The following RASSF6 variants were observed in gnomAD, a reference collection of about 807,000 sequenced individuals.
RASSF6 encodes ras association domain-containing protein 6.
A neutral mutation model predicts 44.0 loss-of-function variants in RASSF6; 52 were observed. The observed-to-expected ratio is 1.18, with a 90% CI of 0.95 to 1.49. The LOEUF (loss-of-function observed/expected upper bound fraction) is 1.49. Ranked by LOEUF, RASSF6 falls within the 40% of genes most tolerant of loss-of-function variation. RASSF6 has a pLI of 0.00. For missense variants in RASSF6, 464 were observed against 393.3 expected, an observed-to-expected ratio of 1.18 and a Z score of -1.52; for synonymous variants, 162 against 124.6, an observed-to-expected ratio of 1.30 and a Z score of -2.00.
At chr4:73,579,775 T>G (rs529418704) in intron 8 of RASSF6, among the ~76,000 whole-genome samples, 8 of 152,208 alleles carry the variant, frequency 5.3e-5, no homozygotes, top group African/African-American at 1.7e-4. Flanking sequence ...ATTTATTTTA[T>G]ATCTTTTGGT....
Position 73,588,022 on chromosome 4 carries a change from A to G in RASSF6, c.288-88T>C, listed in dbSNP as rs1452526171. Reference sequence around the variant, plus strand: ...CCAGATTTACAATATTAATATAGTAATACTGTGGGCCTCTGTAGGTGGATA... The same window carrying G: ...CCAGATTTACAATATTAATATAGTAGTACTGTGGGCCTCTGTAGGTGGATA... On this transcript the variant is annotated intron_variant, in intron 4 of 10. Transcript: ENST00000307439. 1.6e-5 allele frequency: 13 copies of G among 804,300 alleles called. No individual in the cohort carries two copies. In the Admixed American group the frequency reaches 2.1e-4, roughly 13 times the overall value. 49.8% of individuals were successfully genotyped at this position (804,300 alleles called of 1,614,324 possible).
rs953278587 is a variant in RASSF6, at chr4:73,582,205, A to G, written c.653T>C (p.Leu218Pro). The change falls in exon 7 of 11, where the codon CTT becomes CCT. Residue 218 changes from leucine to proline, a missense_variant. Physicochemically the swap from Leu to Pro is moderately conservative, Grantham distance 98. Transcript: ENST00000307439. ...AAAGGTTACCTTAAATTTTTGGAGA[A>G]GTTGCTTTATTACTTCTTCAGTTCT... ...NMRTEEVIKQ[L>P]LQKFKIENSP... The G allele has an allele frequency of 6.4e-7, 1 of 1,557,676 alleles. No individual in the cohort carries two copies. The highest frequency in any genetic ancestry group is 8.8e-7 in the Non-Finnish European group (1 of 1,137,892).
intron 2 of RASSF6, 84 bp from the exon 3 acceptor site, chr4:73,598,802 G>T: frequency 1.7e-6 from 1 of 589,292 alleles, no homozygotes; most frequent in South Asian, 2.4e-5. Context: ...AAAGGTATGA[G>T]ATAGAAAGAA....
intron 1 of RASSF6, among the ~76,000 whole-genome samples, chr4:73,618,137 T>C (rs1264182450): frequency 6.6e-6 from 1 of 152,146 alleles, no homozygotes; most frequent in Non-Finnish European, 1.5e-5. Flanking sequence ...AGTTAATTTT[T>C]TCGTAATCAT....
At chr4:73,595,709 A>G (rs955601355) in intron 3 of RASSF6, among the ~76,000 whole-genome samples, 2 of 136,766 alleles carry the variant, frequency 1.5e-5, no homozygotes, top group Non-Finnish European at 1.6e-5. Context: ...TTATAATTGT[A>G]TATATTAAGA....
At position 73,611,849 on chromosome 4, in the gene RASSF6, T is replaced by A; in HGVS notation, c.-34-20A>T. On this transcript the variant is annotated intron_variant, in intron 1 of 10. Transcript: ENST00000307439. Reference sequence around the variant, plus strand: ...GATATCCTAAACATGAGAATAATATTAATGATTTGTTCCTATAATGCATTA... The same window carrying A: ...GATATCCTAAACATGAGAATAATATAAATGATTTGTTCCTATAATGCATTA... The A allele has an allele frequency of 6.8e-7, 1 of 1,474,590 alleles. No individual in the cohort carries two copies. The highest frequency in any genetic ancestry group is 9.5e-7 in the Non-Finnish European group (1 of 1,055,562). The allele number at this position is 1,474,590 out of a possible 1,614,324, so 91.3% of individuals were successfully genotyped here. A position where few individuals can be genotyped will look rare whatever the true frequency, so the allele number is the denominator to read the frequency against.
intron 3 of RASSF6, among the ~76,000 whole-genome samples, chr4:73,594,071 C>T (rs574242823): frequency 2.6e-5 from 4 of 152,222 alleles, no homozygotes; most frequent in East Asian, 1.9e-4. Flanking sequence ...TGTGAAAACA[C>T]GCTGTAAAAA....
intron 2 of RASSF6, among the ~76,000 whole-genome samples, chr4:73,602,674 C>T (rs1010672458): frequency 6.6e-6 from 1 of 152,192 alleles, no homozygotes; most frequent in South Asian, 2.1e-4. Flanking sequence ...CATGATCAGA[C>T]GGCTTAGCAT....
intron 8 of RASSF6, among the ~76,000 whole-genome samples, chr4:73,579,103 T>C (rs1170618709): frequency 4.6e-5 from 7 of 152,206 alleles, no homozygotes; most frequent in African/African-American, 1.7e-4. Context: ...CTTGCATTTC[T>C]CACTTAAAAT....
chr4:73,614,976 A>C (rs1323382209), intron 1 of RASSF6, among the ~76,000 whole-genome samples: 1 of 152,210 alleles, frequency 6.6e-6, no homozygotes, highest in East Asian at 1.9e-4. Flanking sequence ...AGGTAAGAAC[A>C]TGCTTTGGTA....
chr4:73,596,938 G>A (rs935522821), intron 3 of RASSF6, among the ~76,000 whole-genome samples: 1 of 152,128 alleles, frequency 6.6e-6, no homozygotes, highest in Admixed American at 6.5e-5. Context: ...AACTGAAACT[G>A]GATCCCTTCT....
intron 8 of RASSF6, 141 bp from the exon 9 acceptor site, chr4:73,576,872 G>A (rs569566665): frequency 9.7e-6 from 6 of 618,088 alleles, no homozygotes; most frequent in Non-Finnish European, 1.7e-5. Context: ...ACTCAAAAAA[G>A]CAAATTGAAA....
At chr4:73,612,480 T>TTTTC (rs755419130) in intron 1 of RASSF6, among the ~76,000 whole-genome samples, 26,976 of 63,044 alleles carry the variant, frequency 0.43, 2,722 homozygotes, top group East Asian at 0.54. Flanking sequence ...TTCAGTTTTC[T>TTTTC]TTTTTTTTTT....
At chr4:73,591,585 A>G (rs956117924) in intron 4 of RASSF6, among the ~76,000 whole-genome samples, 2 of 152,106 alleles carry the variant, frequency 1.3e-5, no homozygotes, top group Non-Finnish European at 2.9e-5. Context: ...TGTCATTTAG[A>G]ATCATAAGCC....
In RASSF6 at chr4:73,585,329, G is replaced by T; in HGVS notation, c.418C>A (p.His140Asn). ...GGGGAGTCTGGTTCATCCTTTGCAT[G>T]TGGCTTCAGGGTGTTGCTGTGATAA... ...LSYHSNTLKP[H>N]AKDEPDSPVL... Residue 140 changes from histidine to asparagine, a missense_variant, in exon 6 of 11, where the codon CAT (histidine) becomes AAT (asparagine). By Grantham distance (68) the His-to-Asn change is moderately conservative. Coordinates refer to ENST00000307439, the MANE Select transcript of RASSF6 (RefSeq NM_177532.5). 6.2e-7 allele frequency: 1 copy of T among 1,606,930 alleles called. No homozygotes were observed. The highest frequency in any genetic ancestry group is 8.5e-7 in the Non-Finnish European group (1 of 1,176,744).
chr4:73,617,428 G>A (rs1045136396), intron 1 of RASSF6, among the ~76,000 whole-genome samples: 2 of 152,214 alleles, frequency 1.3e-5, no homozygotes, highest in African/African-American at 4.8e-5. Context: ...GGGAGGCGCT[G>A]CTCAGTCTGC....
intron 1 of RASSF6, among the ~76,000 whole-genome samples, chr4:73,616,096 C>T (rs114895524): frequency 0.022 from 3,392 of 152,232 alleles, 33 homozygotes; most frequent in South Asian, 0.034. Flanking sequence ...CACCTGCTAC[C>T]GTGCTAGGCA....
In RASSF6 at chr4:73,604,064, C is replaced by T. The variant is rs2149389980; in HGVS notation, c.66-5346G>A. On this transcript the variant is annotated intron_variant, in intron 2 of 10. Coordinates refer to ENST00000307439, the MANE Select transcript of RASSF6 (RefSeq NM_177532.5). ...TACAAATGAACCTCAGGGGAAAATACACTCAACGAGGTTGCCAAAGGCATG... is the reference window on the plus strand; with the variant it reads ...TACAAATGAACCTCAGGGGAAAATATACTCAACGAGGTTGCCAAAGGCATG... 1.3e-5 allele frequency: 2 copies of T among 152,310 alleles called. 1 individual carries two copies. Among genetic ancestry groups the T allele is most frequent in the South Asian group, 4.1e-4 (2 of 4,822 alleles). 9.4% of individuals were successfully genotyped at this position (152,310 alleles called of 1,614,324 possible).
Position 73,585,211 on chromosome 4 carries a change from G to GCT in RASSF6, c.534_535dup (p.Ala179GlufsTer28), listed in dbSNP as rs777797099. The GCT allele has an allele frequency of 1.9e-6, 3 of 1,608,900 alleles. No homozygotes were observed. In the Admixed American group the frequency reaches 5.1e-5, roughly 27 times the overall value. ...GTTATAGAAGTGTCCATTAATAGAG[G>GCT]CTCTATTTTTCTGTCTTTCTTTTCT... is the stretch of plus-strand genomic sequence containing the variant. On this transcript the variant is annotated frameshift_variant, in exon 6 of 11. Coordinates refer to ENST00000307439, the MANE Select transcript of RASSF6 (RefSeq NM_177532.5). LOFTEE classifies it high-confidence loss of function.
Sources: allele counts gnomAD v4.1 joint callset (sites outside exome capture counted in the v4.1 genomes callset), GRCh38; gene constraint gnomAD v4.1.1; transcripts MANE v1.5; gene names NCBI Gene and HGNC (gene_info 2026-07-23, HGNC 2026-07-21).